Variants in TCF4 observed in about 807,000 individuals in gnomAD.
TCF4 encodes SL3-3 enhancer factor 2.
Under a neutral mutation model 82.1 loss-of-function variants are expected in TCF4, and 3 were observed. The observed-to-expected ratio is 0.04, with a 90% confidence interval of 0.02 to 0.09. The LOEUF is 0.09. Among genes scored for constraint, TCF4 ranks in the 10% least tolerant of loss-of-function variants. TCF4 has a pLI of 1.00. For synonymous variants in TCF4, 276 were observed against 309.6 expected (o/e 0.89, Z 1.14); for missense variants, 518 against 852.7 (o/e 0.61, Z 4.89).
chr18:55,319,959 T>A (rs1302218431), intron 8 of TCF4, among the ~76,000 whole-genome samples: 1 of 152,196 alleles, frequency 6.6e-6, no homozygotes, highest in Non-Finnish European at 1.5e-5. Context: ...TGGAAACTTA[T>A]ATTCTTTTAT....
intron 5 of TCF4, among the ~76,000 whole-genome samples, chr18:55,450,395 C>T (rs1278344013): frequency 2.0e-5 from 3 of 152,126 alleles, no homozygotes; most frequent in Admixed American, 1.3e-4. Flanking sequence ...GAAAAATGTT[C>T]GAGCTGTGTC....
At chr18:55,286,974 C>T (rs1250113407) in intron 8 of TCF4, among the ~76,000 whole-genome samples, 1 of 152,048 alleles carries the variant, frequency 6.6e-6, no homozygotes, top group Non-Finnish European at 1.5e-5. Context: ...CTATCTAAAT[C>T]AGTTGGAGTA....
At chr18:55,402,204 T>C (rs2093861214) in intron 6 of TCF4, 6 of 985,284 alleles carry the variant, frequency 6.1e-6, no homozygotes, top group Non-Finnish European at 7.2e-6. Context: ...AGATGCCGAA[T>C]ATGACTGAAT....
At chr18:55,572,004 C>G (rs1447248805) in intron 3 of TCF4, among the ~76,000 whole-genome samples, 1 of 152,078 alleles carries the variant, frequency 6.6e-6, no homozygotes, top group Non-Finnish European at 1.5e-5. Context: ...CTGAGAGGTA[C>G]TCTCTAGGAG....
intron 5 of TCF4, among the ~76,000 whole-genome samples, chr18:55,423,804 T>C (rs1324425287): frequency 6.6e-6 from 1 of 150,912 alleles, no homozygotes; most frequent in Non-Finnish European, 1.5e-5. Flanking sequence ...GCTGCGCCCC[T>C]CTCGCCTGCC....
chr18:55,324,992 G>C (rs2076312589), intron 8 of TCF4, among the ~76,000 whole-genome samples: 1 of 152,126 alleles, frequency 6.6e-6, no homozygotes, highest in African/African-American at 2.4e-5. Context: ...AGGTGAAGCA[G>C]AACTGACAAC....
intron 3 of TCF4, among the ~76,000 whole-genome samples, chr18:55,533,295 T>C (rs927408654): frequency 6.6e-6 from 1 of 152,182 alleles, no homozygotes; most frequent in Admixed American, 6.5e-5. Context: ...CTCTGGCTTC[T>C]ATCAAAGGGC....
At chr18:55,310,718 C>T (rs910912634) in intron 8 of TCF4, among the ~76,000 whole-genome samples, 6 of 152,066 alleles carry the variant, frequency 3.9e-5, no homozygotes, top group Admixed American at 2.6e-4. Flanking sequence ...TGATAACAGA[C>T]GATATGATGT....
intron 8 of TCF4, among the ~76,000 whole-genome samples, chr18:55,326,053 G>T (rs975106591): frequency 3.3e-5 from 5 of 152,058 alleles, no homozygotes; most frequent in Non-Finnish European, 7.4e-5. Context: ...CCACTTTAAA[G>T]ACAAAGAATT....
chr18:55,373,387 A>G (rs1459474190), intron 6 of TCF4, among the ~76,000 whole-genome samples: 3 of 152,292 alleles, frequency 2.0e-5, no homozygotes, highest in South Asian at 2.1e-4. Context: ...GCTTTGAGAT[A>G]TATTTTTTAA....
intron 3 of TCF4, among the ~76,000 whole-genome samples, chr18:55,502,633 A>G (rs982841278): frequency 3.9e-5 from 6 of 152,248 alleles, no homozygotes; most frequent in Non-Finnish European, 8.8e-5. Flanking sequence ...ATAGGGGCAC[A>G]TAAGTGTAAA....
chr18:55,353,386 A>G (rs1456602959), intron 6 of TCF4, among the ~76,000 whole-genome samples: 1 of 152,204 alleles, frequency 6.6e-6, no homozygotes, highest in African/African-American at 2.4e-5. Context: ...ACATAGCACT[A>G]GGACCAGATA....
intron 6 of TCF4, among the ~76,000 whole-genome samples, chr18:55,379,175 G>T (rs567673574): frequency 1.3e-5 from 2 of 152,318 alleles, no homozygotes; most frequent in East Asian, 1.9e-4. Flanking sequence ...AAAGTGTGAA[G>T]AACTTATTTC....
rs146732738 is a variant in TCF4 at position 55,225,287 on chromosome 18, G to C, written c.*2748C>G. 4.6e-5 allele frequency: 7 copies of C among 152,640 alleles called. No homozygotes were observed. The highest frequency in any genetic ancestry group is 1.4e-4 in the African/African-American group (6 of 41,532). 9.5% of individuals were successfully genotyped at this position (152,640 alleles called of 1,614,324 possible). ...CAATAAATTGCAGCTTTTACTCTGA[G>C]TGAGAACAAAATATAAAGCACCAAT... On this transcript the variant is annotated 3_prime_UTR_variant, in exon 20 of 20. Coordinates refer to ENST00000354452, the MANE Select transcript of TCF4 (RefSeq NM_001083962.2).
chr18:55,402,111 T>G, intron 6 of TCF4: 4 of 985,462 alleles, frequency 4.1e-6, no homozygotes, highest in Non-Finnish European at 4.8e-6. Flanking sequence ...CCTGCAGAAT[T>G]CTTTCCAAAC....
intron 8 of TCF4, among the ~76,000 whole-genome samples, chr18:55,337,067 C>A (rs1166285060): frequency 6.6e-6 from 1 of 151,714 alleles, no homozygotes; most frequent in Non-Finnish European, 1.5e-5. Context: ...TTTTAGTGTC[C>A]CCAGAACCTG....
chr18:55,524,046 A>G (rs912949095), intron 3 of TCF4, among the ~76,000 whole-genome samples: 5 of 152,154 alleles, frequency 3.3e-5, no homozygotes, highest in African/African-American at 1.2e-4. Context: ...TGCAGATTTA[A>G]TAATTTTTAA....
Position 55,511,329 on chromosome 18 carries a change from TTTAAA to T in TCF4, c.146-47197_146-47193del, listed in dbSNP as rs1461241303. Among the ~76,000 whole-genome samples, 19 of 6,270 alleles carry T rather than the reference TTTAAA, an allele frequency of 3.0e-3. 1 individual carries two copies. In the South Asian group the frequency reaches 0.075, roughly 25 times the overall value. The allele number at this position is 6,270 out of a possible 152,430, so 4.1% of individuals were successfully genotyped here. A position where few individuals can be genotyped will look rare whatever the true frequency, so the allele number is the denominator to read the frequency against. On this transcript the variant is annotated intron_variant, in intron 3 of 19. Transcript: ENST00000354452. Reference sequence around the variant, plus strand: ...GTAGGTAATAGAGTAATTCCAAAAGTTTAAAAAAAAAAAAAAAAAAAGCATTCTCT... The same window carrying T: ...GTAGGTAATAGAGTAATTCCAAAAGTAAAAAAAAAAAAAAAAGCATTCTCT...
intron 5 of TCF4, among the ~76,000 whole-genome samples, chr18:55,438,673 G>T (rs1269581183): frequency 6.6e-6 from 1 of 152,156 alleles, no homozygotes; most frequent in African/African-American, 2.4e-5. Flanking sequence ...TTTACCAGAA[G>T]ACTTTTGGCC....
Sources: allele counts gnomAD v4.1 joint callset (sites outside exome capture counted in the v4.1 genomes callset), GRCh38; gene constraint gnomAD v4.1.1; transcripts MANE v1.5; gene names NCBI Gene and HGNC (gene_info 2026-07-23, HGNC 2026-07-21).